Variants in NXPE2 observed in about 807,000 individuals in gnomAD.
NXPE2 encodes neurexophilin and PC-esterase domain family member 2, also known as NXPE family member 2.
Under a neutral mutation model 34.4 loss-of-function variants are expected in NXPE2, and 34 were observed. That is an observed-to-expected ratio of 0.99 (90% CI 0.75 to 1.31). The LOEUF (loss-of-function observed/expected upper bound fraction) is 1.31. NXPE2 is among the 40% of genes most tolerant of loss of function. The pLI, the probability that NXPE2 is intolerant of heterozygous loss-of-function variation, is 0.00. For missense variants in NXPE2, 649 were observed against 672.5 expected, an observed-to-expected ratio of 0.97 and a Z score of 0.39; for synonymous variants, 235 against 231.3, an observed-to-expected ratio of 1.02 and a Z score of -0.15.
At chr11:114,628,130 C>T in the NXPE2 span, among the ~76,000 whole-genome samples, 10,606 of 142,190 alleles carry the variant, frequency 0.075, 442 homozygotes, top group Middle Eastern at 0.2. Flanking sequence ...AAGTCAACAA[C>T]GATACCCAAG....
chr11:114,678,850 A>ATG (rs137967033), intron 1 of NXPE2, among the ~76,000 whole-genome samples: 4,905 of 148,726 alleles, frequency 0.033, 121 homozygotes, highest in Admixed American at 0.082. Context: ...TGGGGCGTGT[A>ATG]TGTGTGTGTG....
the NXPE2 span, among the ~76,000 whole-genome samples, chr11:114,477,049 A>G: frequency 6.6e-6 from 1 of 152,240 alleles, no homozygotes; most frequent in Non-Finnish European, 1.5e-5. Flanking sequence ...CCTAAACTAG[A>G]AATGACCAAA....
the NXPE2 span, among the ~76,000 whole-genome samples, chr11:114,506,127 AAAAG>A: frequency 2.0e-5 from 3 of 151,218 alleles, no homozygotes; most frequent in Non-Finnish European, 3.0e-5. Flanking sequence ...AAAAAAAAAA[AAAAG>A]AAGTTAAAAA....
At chr11:114,739,320 C>T in the NXPE2 span, among the ~76,000 whole-genome samples, 1 of 54,884 alleles carries the variant, frequency 1.8e-5, no homozygotes, top group Non-Finnish European at 4.1e-5. Context: ...TCCTTCCTTC[C>T]TTCCTTCCTT....
chr11:114,778,275 G>C, the NXPE2 span, among the ~76,000 whole-genome samples: 1 of 152,168 alleles, frequency 6.6e-6, no homozygotes, highest in East Asian at 1.9e-4. Flanking sequence ...TCTGGCTAGT[G>C]GTCAAGAACA....
At chr11:114,792,358 C>T in the NXPE2 span, among the ~76,000 whole-genome samples, 1 of 152,164 alleles carries the variant, frequency 6.6e-6, no homozygotes, top group Non-Finnish European at 1.5e-5. Flanking sequence ...TTCTATATGC[C>T]CTTTAATCTG....
the NXPE2 span, among the ~76,000 whole-genome samples, chr11:114,762,887 C>T: frequency 6.6e-6 from 1 of 152,210 alleles, no homozygotes; most frequent in African/African-American, 2.4e-5. Flanking sequence ...CACCCCCAAG[C>T]CAGTGTCCAT....
chr11:114,649,431 A>G, the NXPE2 span, among the ~76,000 whole-genome samples: 2 of 152,234 alleles, frequency 1.3e-5, no homozygotes, highest in Non-Finnish European at 2.9e-5. Context: ...AGTACATGTT[A>G]GCATATGGAA....
chr11:114,615,518 C>T, the NXPE2 span, among the ~76,000 whole-genome samples: 1 of 151,914 alleles, frequency 6.6e-6, no homozygotes, highest in Non-Finnish European at 1.5e-5. Flanking sequence ...CATGTTGCCT[C>T]ACAGGTAACC....
At chr11:114,749,156 C>G in the NXPE2 span, among the ~76,000 whole-genome samples, 1 of 152,154 alleles carries the variant, frequency 6.6e-6, no homozygotes, top group Non-Finnish European at 1.5e-5. Context: ...AAGCCATGAT[C>G]TAGGCACCTG....
chr11:114,537,727 A>T, the NXPE2 span, among the ~76,000 whole-genome samples: 33,905 of 151,418 alleles, frequency 0.22, 5,272 homozygotes, highest in African/African-American at 0.44. Flanking sequence ...CTTACAAGGG[A>T]TGTGAAGGAC....
the NXPE2 span, among the ~76,000 whole-genome samples, chr11:114,747,962 T>C: frequency 6.6e-6 from 1 of 152,230 alleles, no homozygotes; most frequent in African/African-American, 2.4e-5. Context: ...TGACCAACAG[T>C]GCCCCAATTC....
chr11:114,711,075 A>G (rs1859602600), downstream of NXPE2, among the ~76,000 whole-genome samples: 1 of 152,108 alleles, frequency 6.6e-6, no homozygotes, highest in African/African-American at 2.4e-5. Context: ...ATAAACTATG[A>G]ATAGAGGGAA....
chr11:114,473,938 G>A, the NXPE2 span, among the ~76,000 whole-genome samples: 2 of 152,062 alleles, frequency 1.3e-5, no homozygotes, highest in Non-Finnish European at 2.9e-5. Context: ...GTGTTTGAGA[G>A]TGTTGGGATG....
At chr11:114,794,824 G>GC in the NXPE2 span, among the ~76,000 whole-genome samples, 4 of 151,664 alleles carry the variant, frequency 2.6e-5, no homozygotes, top group African/African-American at 9.7e-5. Flanking sequence ...CTTCCTTCAG[G>GC]CAAGGGGATG....
chr11:114,521,919 G>T, the NXPE2 span: 2 of 1,321,354 alleles, frequency 1.5e-6, no homozygotes, highest in Non-Finnish European at 2.1e-6. Context: ...ATACATGTGG[G>T]ATTATGTGCA....
At chr11:114,627,890 C>T in the NXPE2 span, among the ~76,000 whole-genome samples, 1 of 151,516 alleles carries the variant, frequency 6.6e-6, no homozygotes, top group Non-Finnish European at 1.5e-5. Context: ...ATAAAACAGA[C>T]TTTAAACCAA....
the NXPE2 span, among the ~76,000 whole-genome samples, chr11:114,496,982 G>T: frequency 6.6e-6 from 1 of 152,144 alleles, no homozygotes; most frequent in Admixed American, 6.5e-5. Context: ...TATGTTACTG[G>T]TTTATGTATT....
chr11:114,534,064 C>T, the NXPE2 span, among the ~76,000 whole-genome samples: 3 of 152,156 alleles, frequency 2.0e-5, no homozygotes, highest in Non-Finnish European at 4.4e-5. Flanking sequence ...CCTCACACTG[C>T]CGGGTACTCC....
Sources: gnomAD v4.1 joint callset for allele counts (sites outside exome capture counted in the v4.1 genomes callset) on GRCh38, gnomAD v4.1.1 for gene constraint, MANE v1.5 for transcripts, NCBI Gene and HGNC (gene_info 2026-07-23, HGNC 2026-07-21) for gene names.